UNC13A: variants seen among roughly 807,000 people sequenced by gnomAD.
UNC13A encodes protein unc-13 homolog A.
In UNC13A, 61 loss-of-function variants were observed where a neutral mutation model predicts 219.7. The ratio of observed to expected loss-of-function variants is 0.28; its 90% CI spans 0.23 to 0.34. The LOEUF is 0.34. Ranked by LOEUF, UNC13A falls within the 10% of genes least tolerant of loss-of-function variation. UNC13A has a pLI of 1.00. For missense variants in UNC13A, 1,476 were observed against 2,270.3 expected (o/e 0.65, Z 7.11); for synonymous variants, 920 against 884.6 (o/e 1.04, Z -0.71).
chr19:17,612,574 G>A lies in UNC13A; in HGVS notation c.4559-719C>T, dbSNP rs115406329. Among the ~76,000 whole-genome samples, 640 of 152,262 alleles carry A rather than the reference G, an allele frequency of 4.2e-3. 3 individuals carry two copies. Among genetic ancestry groups the A allele is most frequent in the Non-Finnish European group, 7.2e-3 (487 of 68,030 alleles). On this transcript the variant is annotated intron_variant, in intron 41 of 43. Coordinates refer to ENST00000519716, the MANE Select transcript of UNC13A (RefSeq NM_001080421.3). ...TTAAGTCAGATCATGTCGGCAGGGC[G>A]CGGTGGCTCACAGCTGTAATCCCAG...
chr19:17,633,038 C>T (rs2076873898), intron 27 of UNC13A, 70 bp downstream of exon 27: 2 of 1,608,186 alleles, frequency 1.2e-6, no homozygotes, highest in Non-Finnish European at 1.7e-6. Context: ...TGCTCACAGC[C>T]TTGGAGGGGA....
chr19:17,630,751 C>G lies in UNC13A; in HGVS notation c.3429-1G>C, dbSNP rs760311400. On this transcript the variant is annotated splice_acceptor_variant, in intron 28 of 43. Transcript: ENST00000519716. LOFTEE classifies it high-confidence loss of function. ...CTGGATGACGAAGGGTTCAAACCAT[C>G]TGGAATGAAGAGCCGGGGTGGGGCT... 6.2e-7 allele frequency: 1 copy of G among 1,613,412 alleles called. No homozygotes were observed. Among genetic ancestry groups the G allele is most frequent in the Non-Finnish European group, 8.5e-7 (1 of 1,179,692 alleles).
chr19:17,681,671 G>A (rs2145929857), intron 1 of UNC13A, among the ~76,000 whole-genome samples: 1 of 152,336 alleles, frequency 6.6e-6, no homozygotes, highest in South Asian at 2.1e-4. Context: ...TCATTAAATA[G>A]TAATTCACGG....
chr19:17,623,438 G>T, intron 36 of UNC13A, 104 bp downstream of exon 36: 1 of 855,594 alleles, frequency 1.2e-6, no homozygotes. Context: ...GGTGGGTGAG[G>T]AGGGGGCGCT....
intron 12 of UNC13A, among the ~76,000 whole-genome samples, chr19:17,651,833 A>G: frequency 6.6e-6 from 1 of 152,180 alleles, no homozygotes. Context: ...CCAAGGACGT[A>G]CAAGGAAGGT....
At chr19:17,645,879 G>A in intron 18 of UNC13A, 36 bp from the exon 19 acceptor site, 1 of 1,587,732 alleles carries the variant, frequency 6.3e-7, no homozygotes, top group Admixed American at 1.8e-5. Flanking sequence ...CAGGGGTCAG[G>A]CAGCCAGTGT....
At chr19:17,641,595 G>A (rs2076970617) in intron 20 of UNC13A, 39 bp from the exon 21 acceptor site, 1 of 1,598,196 alleles carries the variant, frequency 6.3e-7, no homozygotes, top group Admixed American at 1.7e-5. Context: ...GAGAGTGCAA[G>A]GGGTCGCCGG....
At chr19:17,671,989 CAGGACTACATTTTCCAGCCT>C (rs2079797691) in intron 4 of UNC13A, among the ~76,000 whole-genome samples, 1 of 152,114 alleles carries the variant, frequency 6.6e-6, no homozygotes, top group Admixed American at 6.6e-5. Flanking sequence ...AAGCACAGCC[CAGGACTACATTTTCCAGCCT>C]AGGACTACAT....
chr19:17,610,794 C>T (rs1488721250), intron 42 of UNC13A, among the ~76,000 whole-genome samples: 1 of 152,022 alleles, frequency 6.6e-6, no homozygotes, highest in Non-Finnish European at 1.5e-5. Context: ...TTTGGGAGGC[C>T]CAGGTGGGAG....
intron 1 of UNC13A, among the ~76,000 whole-genome samples, chr19:17,686,306 C>T (rs1172974202): frequency 8.0e-5 from 4 of 49,860 alleles, no homozygotes; most frequent in South Asian, 2.0e-3. Flanking sequence ...CCGCCCCCCC[C>T]CCCCCCCCCC....
In UNC13A at chr19:17,639,529, T is replaced by C. The variant is rs1430169280; in HGVS notation, c.2857-4A>G. ...GGCTGCTGGCTGGGAAGTTATTCTGTTGGGAGCAGGAAGAGATGTGGGGTT... is the reference window on the plus strand; with the variant it reads ...GGCTGCTGGCTGGGAAGTTATTCTGCTGGGAGCAGGAAGAGATGTGGGGTT... On this transcript the variant is annotated splice_region_variant and splice_polypyrimidine_tract_variant and intron_variant, in intron 23 of 43. Transcript: ENST00000519716. The C allele has an allele frequency of 1.2e-6, 2 of 1,612,332 alleles. No homozygotes were observed. The highest frequency in any genetic ancestry group is 1.3e-5 in the African/African-American group (1 of 74,956).
chr19:17,633,231 G>T (rs1253981491), intron 26 of UNC13A, 38 bp from the exon 27 acceptor site: 1 of 1,592,098 alleles, frequency 6.3e-7, no homozygotes, highest in Non-Finnish European at 8.6e-7. Flanking sequence ...TTGGCAGGCA[G>T]AAGGCAGATG....
At chr19:17,632,960 T>C in intron 27 of UNC13A, 52 bp from the exon 28 acceptor site, 1 of 1,612,602 alleles carries the variant, frequency 6.2e-7, no homozygotes, top group South Asian at 1.1e-5. Flanking sequence ...CCACCCTCTG[T>C]CTCGGCAGAG....
intron 18 of UNC13A, 30 bp from the exon 19 acceptor site, chr19:17,645,873 G>C (rs777521247): frequency 1.3e-6 from 2 of 1,589,830 alleles, no homozygotes; most frequent in African/African-American, 1.3e-5. Context: ...CAGAGGCAGG[G>C]GTCAGGCAGC....
In UNC13A at chr19:17,619,066, A is replaced by G. The variant is rs1568504093; in HGVS notation, c.4273-104T>C. On this transcript the variant is annotated intron_variant, in intron 38 of 43. Coordinates refer to ENST00000519716, the MANE Select transcript of UNC13A (RefSeq NM_001080421.3). Reference sequence around the variant, plus strand: ...TTGCCCAAAGGCTCTGGGCAGGGCAATAATTGTGTCCCAGGGACAGAGGTC... The same window carrying G: ...TTGCCCAAAGGCTCTGGGCAGGGCAGTAATTGTGTCCCAGGGACAGAGGTC... 4.7e-6 allele frequency: 5 copies of G among 1,066,572 alleles called. No homozygotes were observed. In the Admixed American group the frequency reaches 7.1e-5, roughly 15 times the overall value. The allele number at this position is 1,066,572 out of a possible 1,614,324, so 66.1% of individuals were successfully genotyped here.
chr19:17,673,474 C>G (rs1040989596), intron 3 of UNC13A, among the ~76,000 whole-genome samples: 2 of 151,606 alleles, frequency 1.3e-5, no homozygotes, highest in African/African-American at 4.8e-5. Context: ...GGGTGGATCA[C>G]CTGAGGTTAA....
intron 17 of UNC13A, among the ~76,000 whole-genome samples, 163 bp downstream of exon 17, chr19:17,647,102 C>G (rs998347262): frequency 6.6e-6 from 1 of 152,198 alleles, no homozygotes; most frequent in Non-Finnish European, 1.5e-5. Context: ...TTTGGAGGCA[C>G]GCATGTCCCC....
chr19:17,616,324 C>CGA (rs1462101404), intron 41 of UNC13A: 6 of 655,216 alleles, frequency 9.2e-6, no homozygotes, highest in Non-Finnish European at 1.7e-5. Flanking sequence ...GGCAGAAGGA[C>CGA]GATCCTTTTA....
chr19:17,655,198 C>T (rs1444511691), intron 11 of UNC13A, 76 bp downstream of exon 11: 5 of 1,294,864 alleles, frequency 3.9e-6, no homozygotes, highest in Middle Eastern at 4.6e-4. Flanking sequence ...GTGGGTGTGG[C>T]CAAAACATGT....
Sources: allele counts gnomAD v4.1 joint callset (sites outside exome capture counted in the v4.1 genomes callset), GRCh38; gene constraint gnomAD v4.1.1; transcripts MANE v1.5; gene names NCBI Gene and HGNC (gene_info 2026-07-23, HGNC 2026-07-21).